Variants in VAV3 observed in about 807,000 individuals in gnomAD.
The protein encoded by VAV3 is guanine nucleotide exchange factor VAV3.
In VAV3, 94 loss-of-function variants were observed where a neutral mutation model predicts 131.2. The observed-to-expected ratio is 0.72, with a 90% confidence interval of 0.61 to 0.85. The LOEUF (loss-of-function observed/expected upper bound fraction) is 0.85, where lower values mean the gene tolerates loss of function less well. Among genes scored for constraint, VAV3 ranks in the 40% least tolerant of loss-of-function variants. The probability of loss-of-function intolerance (pLI) is 0.00; values close to 1 mark genes in which losing one functional copy is unlikely to be tolerated. For synonymous variants in VAV3, 349 were observed against 342.0 expected (o/e 1.02, Z -0.22); for missense variants, 939 against 1,002.7 (o/e 0.94, Z 0.86).
chr1:107,728,606 T>C (rs13374390), intron 15 of VAV3, among the ~76,000 whole-genome samples: 5,979 of 78,964 alleles, frequency 0.076, 185 homozygotes, highest in Middle Eastern at 0.13. Flanking sequence ...TATACGTATA[T>C]GTATATGTAT....
intron 1 of VAV3, among the ~76,000 whole-genome samples, chr1:107,880,803 A>C (rs1419115184): frequency 1.7e-5 from 1 of 58,642 alleles, no homozygotes; most frequent in African/African-American, 1.1e-4. Flanking sequence ...CTCCAAAAAA[A>C]AAAAAGAAAA....
At chr1:107,777,522 T>C (rs1665432759) in intron 3 of VAV3, 1 of 565,742 alleles carries the variant, frequency 1.8e-6, no homozygotes, top group South Asian at 2.1e-5. Context: ...CCTGAAATCA[T>C]CTGAAGCAAT....
rs139343102 is a variant in VAV3, at chr1:107,766,452, C to T, written c.816G>A (p.Lys272=). The change falls in exon 8 of 27, where the codon AAG becomes AAA. Residue 272 remains lysine (K), a synonymous_variant. Transcript: ENST00000370056. ...QNLYQVFINY[K]ERLVIYGQYC... ...ACTTAAACTTCAAAAGTTACCTTTC[C>T]TTGTAGTTAATAAAAACTTGGTACA... is the stretch of plus-strand genomic sequence containing the variant. The T allele has an allele frequency of 6.7e-5, 107 of 1,606,534 alleles. No individual in the cohort carries two copies. The East Asian group carries it at 2.3e-3, about 34-fold the overall frequency.
At chr1:107,744,215 C>G (rs1406237885) in intron 15 of VAV3, among the ~76,000 whole-genome samples, 1 of 152,178 alleles carries the variant, frequency 6.6e-6, no homozygotes, top group Non-Finnish European at 1.5e-5. Flanking sequence ...ACCATTAGTC[C>G]TTGTGTTTAA....
chr1:107,897,603 A>G (rs1353753874), intron 1 of VAV3, among the ~76,000 whole-genome samples: 1 of 152,046 alleles, frequency 6.6e-6, no homozygotes, highest in African/African-American at 2.4e-5. Flanking sequence ...TAGTTACACT[A>G]TTTGGCGTCC....
At chr1:107,949,170 T>C (rs1375681317) in intron 1 of VAV3, among the ~76,000 whole-genome samples, 1 of 152,228 alleles carries the variant, frequency 6.6e-6, no homozygotes, top group Non-Finnish European at 1.5e-5. Flanking sequence ...TCTCCAAATA[T>C]TTGCATAAAT....
At chr1:107,768,640 TAG>T in intron 6 of VAV3, 131 bp from the exon 7 acceptor site, 1 of 588,386 alleles carries the variant, frequency 1.7e-6, no homozygotes, top group Non-Finnish European at 2.9e-6. Context: ...ACCAAAATTG[TAG>T]AAACTATTTT....
At position 107,760,799 on chromosome 1, in the gene VAV3, G is replaced by A. The variant is rs141912683; in HGVS notation, c.1002C>T (p.Tyr334=). The A allele has an allele frequency of 1.6e-4, 250 of 1,612,614 alleles. No individual in the cohort carries two copies. Among genetic ancestry groups the A allele is most frequent in the Admixed American group, 2.3e-4 (14 of 59,970 alleles). The change falls in exon 10 of 27, where the codon TAC becomes TAT. Residue 334 remains tyrosine (Y), a synonymous_variant. Transcript: ENST00000370056. ...AGTTACATACCTGGAGGAGAAGGTG[G>A]TACTTTAAAACACGTTGCATAGGAA... ...LVVPMQRVLK[Y]HLLLQELVKH...
chr1:107,794,269 ATTTGTGG>A (rs1666436611), intron 2 of VAV3, among the ~76,000 whole-genome samples: 1 of 152,196 alleles, frequency 6.6e-6, no homozygotes, highest in Non-Finnish European at 1.5e-5. Flanking sequence ...ATTTGACACT[ATTTGTGG>A]TTTGTGTGTG....
intron 2 of VAV3, among the ~76,000 whole-genome samples, chr1:107,820,513 A>C (rs570408868): frequency 2.0e-5 from 3 of 152,304 alleles, no homozygotes; most frequent in Non-Finnish European, 2.9e-5. Flanking sequence ...TTACAAAAAT[A>C]GAGTTAGATA....
At chr1:107,617,737 T>C (rs1004644078) in intron 20 of VAV3, 105 bp from the exon 21 acceptor site, 11 of 953,626 alleles carry the variant, frequency 1.2e-5, no homozygotes, top group African/African-American at 1.6e-5. Context: ...TTAGAATTCC[T>C]TATGTGTTAT....
At chr1:107,719,654 T>C (rs780009517) in intron 15 of VAV3, among the ~76,000 whole-genome samples, 7 of 152,192 alleles carry the variant, frequency 4.6e-5, no homozygotes, top group Non-Finnish European at 8.8e-5. Context: ...AGTGTGGCAA[T>C]TCCTCAAGGA....
chr1:107,632,006 C>T (rs1300012102), intron 20 of VAV3, among the ~76,000 whole-genome samples: 2 of 152,094 alleles, frequency 1.3e-5, no homozygotes, highest in East Asian at 3.9e-4. Flanking sequence ...AATGGGATTG[C>T]TGGGTCAAAT....
chr1:107,637,034 A>C (rs1654982030), intron 20 of VAV3, among the ~76,000 whole-genome samples: 1 of 152,182 alleles, frequency 6.6e-6, no homozygotes, highest in South Asian at 2.1e-4. Flanking sequence ...AGAACCAATA[A>C]AGCCAAAATC....
intron 2 of VAV3, among the ~76,000 whole-genome samples, chr1:107,792,180 C>A (rs1223366289): frequency 2.0e-5 from 3 of 152,208 alleles, no homozygotes; most frequent in Non-Finnish European, 4.4e-5. Flanking sequence ...CTAAACTCAT[C>A]TGTTACTCAC....
chr1:107,576,477 T>C (rs1204037541), intron 25 of VAV3: 2 of 1,500,500 alleles, frequency 1.3e-6, no homozygotes, highest in East Asian at 2.6e-5. Context: ...AAGAGGGGGC[T>C]TTGAGAAAGA....
At chr1:107,608,476 G>A (rs1374841542) in intron 22 of VAV3, among the ~76,000 whole-genome samples, 1 of 152,116 alleles carries the variant, frequency 6.6e-6, no homozygotes, top group Non-Finnish European at 1.5e-5. Flanking sequence ...TTTCTTTCAG[G>A]ACTATAGTTT....
chr1:107,703,631 G>C (rs1660267489), intron 17 of VAV3, among the ~76,000 whole-genome samples: 2 of 152,146 alleles, frequency 1.3e-5, no homozygotes, highest in African/African-American at 4.8e-5. Context: ...CCTATTTTCT[G>C]AACTCAGCTC....
chr1:107,614,739 T>C (rs1181300361), intron 21 of VAV3, among the ~76,000 whole-genome samples: 1 of 152,150 alleles, frequency 6.6e-6, no homozygotes, highest in African/African-American at 2.4e-5. Context: ...GCTTTTTCAC[T>C]CCTTTGTTCA....
Sources: gnomAD v4.1 joint callset for allele counts (sites outside exome capture counted in the v4.1 genomes callset) on GRCh38, gnomAD v4.1.1 for gene constraint, MANE v1.5 for transcripts, NCBI Gene and HGNC (gene_info 2026-07-23, HGNC 2026-07-21) for gene names.